Variants in SLC17A5 observed in about 807,000 individuals in gnomAD.
SLC17A5 encodes the protein solute carrier family 17 member 5.
Under a neutral mutation model 59.4 loss-of-function variants are expected in SLC17A5, and 47 were observed. The ratio of observed to expected loss-of-function variants is 0.79; its 90% CI spans 0.63 to 1.01. SLC17A5 has a LOEUF of 1.01. Among genes scored for constraint, SLC17A5 ranks in the 50% least tolerant of loss-of-function variants. SLC17A5 has a pLI of 0.00. For missense variants in SLC17A5, 522 were observed against 595.5 expected (o/e 0.88, Z 1.28); for synonymous variants, 202 against 210.7 (o/e 0.96, Z 0.36).
At chr6:73,631,808 G>A (rs1768725063) in intron 6 of SLC17A5, among the ~76,000 whole-genome samples, 1 of 151,624 alleles carries the variant, frequency 6.6e-6, no homozygotes, top group Non-Finnish European at 1.5e-5. Context: ...GGCCCCACAG[G>A]AACCATGTTT....
At chr6:73,610,762 A>G (rs1431537869) in intron 8 of SLC17A5, among the ~76,000 whole-genome samples, 1 of 152,216 alleles carries the variant, frequency 6.6e-6, no homozygotes, top group East Asian at 1.9e-4. Flanking sequence ...TCATTATGCA[A>G]TGTTATTAAA....
At chr6:73,650,474 G>C (rs1769803070) in intron 1 of SLC17A5, among the ~76,000 whole-genome samples, 1 of 132,284 alleles carries the variant, frequency 7.6e-6, no homozygotes, top group African/African-American at 2.9e-5. Flanking sequence ...CGCGACTGCA[G>C]TCCAGCCTGG....
At position 73,594,756 on chromosome 6, in the gene SLC17A5, G is replaced by C. The variant is rs1163745422; in HGVS notation, c.*321C>G. The C allele has an allele frequency of 2.8e-6, 1 of 351,622 alleles. No homozygotes were observed. The highest frequency in any genetic ancestry group is 2.1e-5 in the African/African-American group (1 of 47,492). 21.8% of individuals were successfully genotyped at this position (351,622 alleles called of 1,614,324 possible). Reference sequence around the variant, plus strand: ...TTATCATCTAGTTTAATTAAGCAAAGGTATCAGGAGGTCTGTTTCAGCTCA... The same window carrying C: ...TTATCATCTAGTTTAATTAAGCAAACGTATCAGGAGGTCTGTTTCAGCTCA... On this transcript the variant is annotated 3_prime_UTR_variant, in exon 11 of 11. Coordinates refer to ENST00000355773, the MANE Select transcript of SLC17A5 (RefSeq NM_012434.5).
intron 9 of SLC17A5, among the ~76,000 whole-genome samples, chr6:73,609,031 G>A (rs1730823921): frequency 6.6e-6 from 1 of 152,118 alleles, no homozygotes; most frequent in South Asian, 2.1e-4. Flanking sequence ...AGTATTTATT[G>A]AAGAGATAGG....
At chr6:73,601,837 G>T (rs2150078214) in intron 9 of SLC17A5, among the ~76,000 whole-genome samples, 1 of 149,592 alleles carries the variant, frequency 6.7e-6, no homozygotes, top group East Asian at 2.1e-4. Context: ...CCCCTGCCCG[G>T]CCAGCCGCCC....
chr6:73,633,890 TA>T (rs150407115), intron 6 of SLC17A5, among the ~76,000 whole-genome samples: 4 of 150,468 alleles, frequency 2.7e-5, no homozygotes, highest in Non-Finnish European at 4.4e-5. Flanking sequence ...AAAAAAAAAA[TA>T]AATAAAATAA....
intron 1 of SLC17A5, among the ~76,000 whole-genome samples, chr6:73,649,269 A>G (rs1769735406): frequency 6.6e-6 from 1 of 152,212 alleles, no homozygotes; most frequent in Non-Finnish European, 1.5e-5. Flanking sequence ...AAGCATTGGG[A>G]TTACAGGCAT....
chr6:73,618,488 A>G lies in SLC17A5; in HGVS notation c.979-3041T>C, dbSNP rs530733857. 6.2e-6 allele frequency: 3 copies of G among 483,296 alleles called. No homozygotes were observed. The East Asian group carries it at 1.4e-4, about 22-fold the overall frequency. The allele number at this position is 483,296 out of a possible 1,614,324, so 29.9% of individuals were successfully genotyped here. The stretch of plus-strand genomic sequence containing the variant: ...TATAAAATCATCACGGTCTTTACTC[A>G]TGCACAAACAGTAGTTTTGTGTGTT... On this transcript the variant is annotated intron_variant, in intron 7 of 10. Transcript: ENST00000355773.
Position 73,618,458 on chromosome 6 carries a change from G to A in SLC17A5, c.979-3011C>T, listed in dbSNP as rs1767979056. 6.7e-6 allele frequency: 3 copies of A among 444,864 alleles called. No individual in the cohort carries two copies. In the South Asian group the frequency reaches 7.7e-5, roughly 11 times the overall value. 27.6% of individuals were successfully genotyped at this position (444,864 alleles called of 1,614,324 possible). On this transcript the variant is annotated intron_variant, in intron 7 of 10. Coordinates refer to ENST00000355773, the MANE Select transcript of SLC17A5 (RefSeq NM_012434.5). ...TACTTCATGGATGTGAAGTGCCCAG[G>A]ACGCTATAAAATCATCACGGTCTTT...
chr6:73,621,444 T>C (rs1309019205), intron 7 of SLC17A5, among the ~76,000 whole-genome samples: 1 of 152,252 alleles, frequency 6.6e-6, no homozygotes, highest in Non-Finnish European at 1.5e-5. Context: ...CGGCCTGATG[T>C]CGGGCATCCT....
At chr6:73,623,612 GTGTGAGCCAC>G (rs1768256939) in intron 6 of SLC17A5, among the ~76,000 whole-genome samples, 1 of 152,094 alleles carries the variant, frequency 6.6e-6, no homozygotes, top group Admixed American at 6.5e-5. Context: ...GGGATTACAG[GTGTGAGCCAC>G]TGCCCCCAGC....
chr6:73,637,619 T>C (rs1769079115), intron 4 of SLC17A5, among the ~76,000 whole-genome samples: 1 of 152,154 alleles, frequency 6.6e-6, no homozygotes, highest in Non-Finnish European at 1.5e-5. Context: ...GTTCTAGCCA[T>C]CCAAGGTAGT....
chr6:73,639,883 T>C (rs957370966), intron 3 of SLC17A5, among the ~76,000 whole-genome samples: 4 of 152,010 alleles, frequency 2.6e-5, no homozygotes, highest in African/African-American at 9.7e-5. Flanking sequence ...CCGCCTCTAC[T>C]AAATATACAA....
At chr6:73,653,247 TCCCCG>T in intron 1 of SLC17A5, 1 of 985,386 alleles carries the variant, frequency 1.0e-6, no homozygotes, top group East Asian at 1.1e-4. Flanking sequence ...TTGTCTTCCC[TCCCCG>T]CCTAAGAAGC....
chr6:73,635,303 A>T, intron 6 of SLC17A5, 79 bp downstream of exon 6: 1 of 801,696 alleles, frequency 1.2e-6, no homozygotes, highest in Non-Finnish European at 2.2e-6. Context: ...ATAGGAATAT[A>T]TATTTTTAAA....
chr6:73,637,359 G>C (rs1033832161), intron 4 of SLC17A5, among the ~76,000 whole-genome samples: 1 of 152,180 alleles, frequency 6.6e-6, no homozygotes, highest in Non-Finnish European at 1.5e-5. Flanking sequence ...CTTGCCCCTA[G>C]TTCAAGGAGT....
chr6:73,602,149 G>C (rs1211514132), intron 9 of SLC17A5, among the ~76,000 whole-genome samples: 1 of 151,336 alleles, frequency 6.6e-6, no homozygotes, highest in African/African-American at 2.4e-5. Context: ...CCCCAACCCT[G>C]TGCTCTCTGA....
chr6:73,601,987 G>T (rs1190439299), intron 9 of SLC17A5, among the ~76,000 whole-genome samples: 1 of 152,044 alleles, frequency 6.6e-6, no homozygotes, highest in East Asian at 1.9e-4. Flanking sequence ...GCGGTTTTGT[G>T]GAATAGAAAG....
At chr6:73,627,891 G>C (rs954711113) in intron 6 of SLC17A5, among the ~76,000 whole-genome samples, 1 of 150,766 alleles carries the variant, frequency 6.6e-6, no homozygotes, top group African/African-American at 2.5e-5. Flanking sequence ...AAAAGTGCTG[G>C]GATTACAGGC....
Sources: gnomAD v4.1 joint callset for allele counts (sites outside exome capture counted in the v4.1 genomes callset) on GRCh38, gnomAD v4.1.1 for gene constraint, MANE v1.5 for transcripts, NCBI Gene and HGNC (gene_info 2026-07-23, HGNC 2026-07-21) for gene names.